Variants in ZNF274 observed in about 807,000 individuals in gnomAD.
ZNF274 encodes the protein neurotrophin receptor-interacting factor homolog.
In ZNF274, 23 loss-of-function variants were observed where a neutral mutation model predicts 42.5. That is an observed-to-expected ratio of 0.54 (90% CI 0.39 to 0.77). The LOEUF (loss-of-function observed/expected upper bound fraction) is 0.77, where lower values mean the gene tolerates loss of function less well. Ranked by LOEUF, ZNF274 falls within the 30% of genes least tolerant of loss-of-function variation. The pLI, the probability that ZNF274 is intolerant of heterozygous loss-of-function variation, is 0.00. For missense variants in ZNF274, 679 were observed against 806.5 expected (o/e 0.84, Z 1.91); for synonymous variants, 292 against 305.4 (o/e 0.96, Z 0.46).
At chr19:58,197,700 G>C (rs1027687069) in intron 4 of ZNF274, among the ~76,000 whole-genome samples, 45 of 152,180 alleles carry the variant, frequency 3.0e-4, no homozygotes, top group African/African-American at 1.0e-3. Flanking sequence ...CAAAAGGGTA[G>C]GTAAGAGAGG....
At position 58,204,350 on chromosome 19, in the gene ZNF274, G is replaced by C. The variant is rs113537581; in HGVS notation, c.257-2370G>C. On this transcript the variant is annotated intron_variant, in intron 4 of 7. Transcript: ENST00000617501. The stretch of plus-strand genomic sequence containing the variant: ...TCTGGGCGCTTTTCCGGGTCCAGGG[G>C]GGGCAGGGTTCGAGGCGTGGCCTAG... Among the ~76,000 whole-genome samples, 986 of 152,268 alleles carry C rather than the reference G, an allele frequency of 6.5e-3. 9 individuals carry two copies. Among genetic ancestry groups the C allele is most frequent in the African/African-American group, 0.023 (949 of 41,552 alleles).
intron 6 of ZNF274, chr19:58,210,722 C>CTT: frequency 6.6e-6 from 1 of 152,262 alleles, no homozygotes; most frequent in East Asian, 2.0e-4. Context: ...CTTTCTTCTT[C>CTT]TTTTTTTTTG....
chr19:58,193,298 C>T (rs1390198582), intron 4 of ZNF274, among the ~76,000 whole-genome samples: 1 of 151,826 alleles, frequency 6.6e-6, no homozygotes, highest in African/African-American at 2.4e-5. Flanking sequence ...AGGCGCCCGC[C>T]ACCACGCCCA....
At chr19:58,184,047 G>A (rs756336757) in intron 2 of ZNF274, 49 bp downstream of exon 2, 11 of 1,561,108 alleles carry the variant, frequency 7.0e-6, no homozygotes, top group Non-Finnish European at 7.8e-6. Flanking sequence ...GCACCTGGGA[G>A]GATGCGGATG....
At chr19:58,203,989 C>G (rs1018228760) in intron 4 of ZNF274, among the ~76,000 whole-genome samples, 1 of 152,202 alleles carries the variant, frequency 6.6e-6, no homozygotes, top group Admixed American at 6.5e-5. Flanking sequence ...CAGCGCGGAG[C>G]TGACTCCCTG....
rs1600155133 is a variant in ZNF274 at position 58,207,054 on chromosome 19, G to A, written c.591G>A (p.Lys197=). The change falls in exon 5 of 8, where the codon AAG becomes AAA. Residue 197 remains lysine (K), a synonymous_variant. Coordinates refer to ENST00000617501, the MANE Select transcript of ZNF274 (RefSeq NM_133502.3). This position sits in a 1 kb window ranked among gnomAD's most constrained non-coding sequence, Gnocchi z 5.6. The stretch of plus-strand genomic sequence containing the variant: ...GGCTACAGCCTAAGGCACGCTCCAA[G>A]GAGCAGATCCTGGAGCTGCTGGTGC... ...HQWLQPKARS[K]EQILELLVLE... is the part of the protein sequence containing the mutation. 1.2e-6 allele frequency: 2 copies of A among 1,613,596 alleles called. No homozygotes were observed. The highest frequency in any genetic ancestry group is 1.7e-6 in the Non-Finnish European group (2 of 1,179,818).
intron 4 of ZNF274, among the ~76,000 whole-genome samples, chr19:58,206,087 A>C (rs1385371175): frequency 6.6e-6 from 1 of 152,158 alleles, no homozygotes; most frequent in African/African-American, 2.4e-5. Flanking sequence ...GTCTCCCACC[A>C]ATCCTCTCAA....
At chr19:58,183,889 TCTCC>T in intron 1 of ZNF274, 28 bp from the exon 2 acceptor site, 1 of 1,490,470 alleles carries the variant, frequency 6.7e-7, no homozygotes. Context: ...ACCTTAAGCC[TCTCC>T]CTCCCCTCCC....
At chr19:58,203,173 C>CT (rs1050758254) in intron 4 of ZNF274, among the ~76,000 whole-genome samples, 3 of 152,266 alleles carry the variant, frequency 2.0e-5, no homozygotes, top group African/African-American at 7.2e-5. Flanking sequence ...TAGCCCCCCC[C>CT]CAGGAAGTAC....
rs971632257 is a variant in ZNF274, at chr19:58,207,586, C to T, written c.739+384C>T. 4.6e-5 allele frequency among the ~76,000 whole-genome samples: 7 copies of T among 152,076 alleles called. No individual in the cohort carries two copies. The highest frequency in any genetic ancestry group is 3.3e-4 in the Admixed American group (5 of 15,270). On this transcript the variant is annotated intron_variant, in intron 5 of 7. Transcript: ENST00000617501. The surrounding 1 kb of genome is among the most constrained non-coding windows in gnomAD (Gnocchi z 5.6). ...AGAAAAATGCTGGGACTATGAGGAGCTCGAGGTGATGGTGAGGCTTATGAA... is the reference window on the plus strand; with the variant it reads ...AGAAAAATGCTGGGACTATGAGGAGTTCGAGGTGATGGTGAGGCTTATGAA...
Position 58,183,065 on chromosome 19 carries a change from C to T in ZNF274, c.-423C>T, listed in dbSNP as rs1243427345. Reference sequence around the variant, plus strand: ...CCACCCAACCAAGCATCACCCATTCCAGCACTTCCGGCCTGACCCCTGTCC... The same window carrying T: ...CCACCCAACCAAGCATCACCCATTCTAGCACTTCCGGCCTGACCCCTGTCC... On this transcript the variant is annotated 5_prime_UTR_variant, in exon 1 of 8. Coordinates refer to ENST00000617501, the MANE Select transcript of ZNF274 (RefSeq NM_133502.3). 6.6e-6 allele frequency: 1 copy of T among 152,582 alleles called. No homozygotes were observed. Among genetic ancestry groups the T allele is most frequent in the Non-Finnish European group, 1.5e-5 (1 of 68,416 alleles). The allele number at this position is 152,582 out of a possible 1,614,324, so 9.5% of individuals were successfully genotyped here. A position where few individuals can be genotyped will look rare whatever the true frequency, so the allele number is the denominator to read the frequency against.
intron 4 of ZNF274, 84 bp downstream of exon 4, chr19:58,187,126 T>C (rs2075709777): frequency 8.4e-7 from 1 of 1,189,452 alleles, no homozygotes; most frequent in African/African-American, 1.5e-5. Context: ...GCAGTAGACA[T>C]TGGGATACCC....
At chr19:58,193,084 T>A (rs142357438) in intron 4 of ZNF274, among the ~76,000 whole-genome samples, 3 of 152,102 alleles carry the variant, frequency 2.0e-5, no homozygotes, top group Non-Finnish European at 1.5e-5. Context: ...GTTTGTTGAA[T>A]CCACAGATGT....
chr19:58,193,376 G>A (rs1487895216), intron 4 of ZNF274, among the ~76,000 whole-genome samples: 2 of 149,084 alleles, frequency 1.3e-5, no homozygotes, highest in South Asian at 2.1e-4. Context: ...TCGATCTCCT[G>A]ACCTCATGAT....
In ZNF274 at chr19:58,210,098, T is replaced by G. The variant is rs781312792; in HGVS notation, c.852+25T>G. On this transcript the variant is annotated intron_variant, in intron 6 of 7. Transcript: ENST00000617501. The stretch of plus-strand genomic sequence containing the variant: ...GGTAAGCGGGGAGTATCACCCTGTT[T>G]TGGTCACAGCATCTCCTGTGAGGCA... The G allele has an allele frequency of 3.1e-6, 5 of 1,603,206 alleles. No individual in the cohort carries two copies. In the South Asian group the frequency reaches 3.3e-5, roughly 11 times the overall value.
rs1372518338 is a variant in ZNF274, at chr19:58,183,436, G to A, written c.-52G>A. The A allele has an allele frequency of 6.6e-6, 1 of 152,374 alleles. No individual in the cohort carries two copies. Among genetic ancestry groups the A allele is most frequent in the Non-Finnish European group, 1.5e-5 (1 of 68,082 alleles). The allele number at this position is 152,374 out of a possible 1,614,324, so 9.4% of individuals were successfully genotyped here. A position where few individuals can be genotyped will look rare whatever the true frequency, so the allele number is the denominator to read the frequency against. On this transcript the variant is annotated 5_prime_UTR_variant, in exon 1 of 8. Transcript: ENST00000617501. ...GCCGACGGGCGCCATTGTGCGGCGC[G>A]CGCCGGGTGAGTGCCGCGCGAAACC...
At chr19:58,188,616 AAAAAATATATATAT>A (rs1202774735) in intron 4 of ZNF274, among the ~76,000 whole-genome samples, 55 of 60,696 alleles carry the variant, frequency 9.1e-4, no homozygotes, top group African/African-American at 3.9e-3. Context: ...AAAAAAAAAA[AAAAAATATATATAT>A]ATATATATAT....
At chr19:58,197,869 A>ACAC (rs1204524774) in intron 4 of ZNF274, among the ~76,000 whole-genome samples, 1 of 152,194 alleles carries the variant, frequency 6.6e-6, no homozygotes, top group East Asian at 1.9e-4. Context: ...TTATTGAAGA[A>ACAC]CACTTTACAT....
intron 4 of ZNF274, among the ~76,000 whole-genome samples, chr19:58,199,305 G>A (rs1404420888): frequency 1.3e-5 from 2 of 152,046 alleles, no homozygotes; most frequent in Non-Finnish European, 2.9e-5. Context: ...GGCGGAGGTT[G>A]CAGTGAGCCG....
Sources: allele counts gnomAD v4.1 joint callset (sites outside exome capture counted in the v4.1 genomes callset), GRCh38; gene constraint gnomAD v4.1.1; non-coding constraint Gnocchi (gnomAD v3.1); transcripts MANE v1.5; gene names NCBI Gene and HGNC (gene_info 2026-07-23, HGNC 2026-07-21).